PDE4D: variants seen among roughly 807,000 people sequenced by gnomAD.
PDE4D encodes the protein phosphodiesterase 4D.
A neutral mutation model predicts 87.4 loss-of-function variants in PDE4D; 24 were observed. The ratio of observed to expected loss-of-function variants is 0.27; its 90% CI spans 0.20 to 0.39. The LOEUF (loss-of-function observed/expected upper bound fraction) is 0.39, where lower values mean the gene tolerates loss of function less well. PDE4D is among the 10% of genes least tolerant of loss of function. PDE4D has a pLI of 1.00. For synonymous variants in PDE4D, 384 were observed against 383.2 expected, an observed-to-expected ratio of 1.00 and a Z score of -0.02; for missense variants, 714 against 1,041.0, an observed-to-expected ratio of 0.69 and a Z score of 4.32.
At chr5:59,830,307 T>C (rs2152696636) in intron 1 of PDE4D, among the ~76,000 whole-genome samples, 1 of 148,364 alleles carries the variant, frequency 6.7e-6, no homozygotes, top group Middle Eastern at 3.6e-3. Context: ...TTAATACCGC[T>C]TGAGTTTTTT....
intron 1 of PDE4D, among the ~76,000 whole-genome samples, chr5:59,696,713 G>C (rs1431757845): frequency 6.6e-6 from 1 of 152,076 alleles, no homozygotes; most frequent in African/African-American, 2.4e-5. Context: ...GTTTTTATAA[G>C]GTATTTATTC....
chr5:59,130,632 A>G (rs1435770109), intron 5 of PDE4D, among the ~76,000 whole-genome samples: 1 of 152,222 alleles, frequency 6.6e-6, no homozygotes. Context: ...CCTAGATTGC[A>G]TATGATTCAG....
chr5:60,059,012 TTCTA>T (rs1482723207), intron 2 of PDE4D, among the ~76,000 whole-genome samples: 1 of 149,518 alleles, frequency 6.7e-6, no homozygotes, highest in Non-Finnish European at 1.5e-5. Flanking sequence ...AAATTAGAAG[TTCTA>T]TCTATCTTTT....
At chr5:59,349,393 T>C (rs1199621722) in intron 1 of PDE4D, among the ~76,000 whole-genome samples, 2 of 152,034 alleles carry the variant, frequency 1.3e-5, no homozygotes, top group Non-Finnish European at 2.9e-5. Flanking sequence ...AGGTAAAGTG[T>C]ATAGAATTGA....
At chr5:59,905,286 G>T (rs986512946) in intron 3 of PDE4D, among the ~76,000 whole-genome samples, 2 of 152,060 alleles carry the variant, frequency 1.3e-5, no homozygotes, top group South Asian at 4.1e-4. Flanking sequence ...TGTGGAGCGT[G>T]GCAAATGTAG....
intron 1 of PDE4D, among the ~76,000 whole-genome samples, chr5:59,337,434 G>A (rs1243560369): frequency 4.1e-5 from 6 of 147,768 alleles, no homozygotes; most frequent in East Asian, 2.0e-4. Flanking sequence ...CGGGGTTCAC[G>A]CCATTCTCCT....
intron 1 of PDE4D, among the ~76,000 whole-genome samples, chr5:59,396,680 A>G (rs1221067690): frequency 8.5e-6 from 1 of 117,022 alleles, no homozygotes; most frequent in Non-Finnish European, 1.8e-5. Flanking sequence ...TCAACTAACG[A>G]GCAAAATAAC....
chr5:59,854,396 T>C (rs1368452350), intron 1 of PDE4D, among the ~76,000 whole-genome samples: 1 of 152,102 alleles, frequency 6.6e-6, no homozygotes, highest in Admixed American at 6.6e-5. Context: ...TCTTTGTCTA[T>C]GCATATAATT....
intron 1 of PDE4D, among the ~76,000 whole-genome samples, chr5:59,478,343 G>C (rs557029117): frequency 8.5e-4 from 130 of 152,102 alleles, no homozygotes; most frequent in Non-Finnish European, 2.8e-4. Flanking sequence ...GTATGAGCAC[G>C]GATTTGAGGT....
intron 1 of PDE4D, among the ~76,000 whole-genome samples, chr5:59,545,395 T>C (rs1817097682): frequency 6.6e-6 from 1 of 152,050 alleles, no homozygotes; most frequent in South Asian, 2.1e-4. Flanking sequence ...GGCAAAAGAA[T>C]GGATGTTGAT....
At chr5:60,188,703 C>G (rs1784981408) in intron 1 of PDE4D, among the ~76,000 whole-genome samples, 1 of 152,188 alleles carries the variant, frequency 6.6e-6, no homozygotes, top group Non-Finnish European at 1.5e-5. Flanking sequence ...TATCATTAAA[C>G]TTTCCAATAC....
intron 3 of PDE4D, among the ~76,000 whole-genome samples, chr5:59,974,782 T>C (rs1409507846): frequency 3.3e-5 from 5 of 152,204 alleles, no homozygotes; most frequent in Non-Finnish European, 4.4e-5. Flanking sequence ...CTTATCCCCA[T>C]GTTGCACTGT....
In PDE4D at chr5:59,931,674, CT is replaced by C. The variant is rs1378306988; in HGVS notation, c.272+56813del. On this transcript the variant is annotated intron_variant, in intron 3 of 16. Coordinates refer to the PDE4D transcript ENST00000502484. ...CTCTTAAAGGTCTCACTTCTCTATA[CT>C]GACACTTTTCTTCTTCTTCTTTTTT... Among the ~76,000 whole-genome samples the C allele has an allele frequency of 4.0e-5, 6 of 150,660 alleles. No individual in the cohort carries two copies. The Admixed American group carries it at 4.0e-4, about 10-fold the overall frequency.
intron 2 of PDE4D, among the ~76,000 whole-genome samples, chr5:60,159,600 G>C (rs1421764151): frequency 6.6e-6 from 1 of 152,056 alleles, no homozygotes; most frequent in African/African-American, 2.4e-5. Context: ...GCTGACAATA[G>C]GAATTTTTCA....
At chr5:59,853,437 G>A (rs1744971730) in intron 1 of PDE4D, among the ~76,000 whole-genome samples, 1 of 151,970 alleles carries the variant, frequency 6.6e-6, no homozygotes, top group Non-Finnish European at 1.5e-5. Flanking sequence ...AAATAAAAAA[G>A]TGAAGAATAT....
At chr5:59,511,438 G>A (rs1810265738) in intron 1 of PDE4D, among the ~76,000 whole-genome samples, 1 of 151,782 alleles carries the variant, frequency 6.6e-6, no homozygotes, top group South Asian at 2.1e-4. Flanking sequence ...AATAAAAGTG[G>A]TTACATCTTG....
intron 5 of PDE4D, among the ~76,000 whole-genome samples, chr5:59,110,428 T>A (rs1275651912): frequency 6.6e-6 from 1 of 152,206 alleles, no homozygotes; most frequent in African/African-American, 2.4e-5. Context: ...AATTTAAAAT[T>A]TCTACAAGGT....
chr5:60,477,345 T>C (rs1478787137), intron 1 of PDE4D, among the ~76,000 whole-genome samples: 1 of 152,178 alleles, frequency 6.6e-6, no homozygotes, highest in African/African-American at 2.4e-5. Flanking sequence ...AAGGAGGAGT[T>C]AGGGGAGAAG....
chr5:59,679,997 ACT>A (rs1024270162), intron 1 of PDE4D, among the ~76,000 whole-genome samples: 2 of 152,032 alleles, frequency 1.3e-5, no homozygotes, highest in Non-Finnish European at 2.9e-5. Flanking sequence ...CCTAAACTTA[ACT>A]CCAAGTACGA....
Sources: allele counts gnomAD v4.1 joint callset (sites outside exome capture counted in the v4.1 genomes callset), GRCh38; gene constraint gnomAD v4.1.1; transcripts MANE v1.5; gene names NCBI Gene and HGNC (gene_info 2026-07-23, HGNC 2026-07-21).